CADM1: variants seen among roughly 807,000 people sequenced by gnomAD.
The protein encoded by CADM1 is cell adhesion molecule 1.
CADM1 carries 15 observed loss-of-function variants against 53.1 expected under a neutral mutation model. That is an observed-to-expected ratio of 0.28 (90% confidence interval 0.19 to 0.44). The LOEUF (loss-of-function observed/expected upper bound fraction) is 0.44. Ranked by LOEUF, CADM1 falls within the 20% of genes least tolerant of loss-of-function variation. The pLI, the probability that CADM1 is intolerant of heterozygous loss-of-function variation, is 1.00. For missense variants in CADM1, 434 were observed against 611.3 expected (o/e 0.71, Z 3.06); for synonymous variants, 281 against 243.0 (o/e 1.16, Z -1.45).
intron 1 of CADM1, chr11:115,445,942 C>A (rs961107067): frequency 4.2e-6 from 1 of 236,474 alleles, no homozygotes; most frequent in Non-Finnish European, 8.6e-6. Context: ...TAGATAAACT[C>A]CAGGGTGATT....
intron 1 of CADM1, among the ~76,000 whole-genome samples, chr11:115,474,968 T>TATTGTGGG (rs1949099377): frequency 6.6e-6 from 1 of 152,190 alleles, no homozygotes; most frequent in Non-Finnish European, 1.5e-5. Flanking sequence ...AATCCCTATA[T>TATTGTGGG]ATTGTGGTGG....
At chr11:115,358,747 C>T (rs952732865) in intron 1 of CADM1, among the ~76,000 whole-genome samples, 15 of 152,158 alleles carry the variant, frequency 9.9e-5, no homozygotes, top group East Asian at 1.9e-4. Flanking sequence ...GTCTACTGTA[C>T]GTAGACCTGT....
intron 5 of CADM1, among the ~76,000 whole-genome samples, chr11:115,226,689 G>T (rs1233995339): frequency 6.6e-6 from 1 of 152,204 alleles, no homozygotes; most frequent in Non-Finnish European, 1.5e-5. Context: ...GGGCACTGGA[G>T]TTGAGCCATC....
At chr11:115,494,768 T>C (rs1183946019) in intron 1 of CADM1, among the ~76,000 whole-genome samples, 1 of 152,142 alleles carries the variant, frequency 6.6e-6, no homozygotes, top group African/African-American at 2.4e-5. Flanking sequence ...GATTGATAAA[T>C]AGAGATAGGT....
chr11:115,305,239 T>G (rs1944333767), intron 1 of CADM1, among the ~76,000 whole-genome samples: 1 of 152,004 alleles, frequency 6.6e-6, no homozygotes, highest in Non-Finnish European at 1.5e-5. Context: ...TCACCTGCCA[T>G]GCAACACCCA....
chr11:115,179,991 A>G (rs546052045), intron 10 of CADM1, among the ~76,000 whole-genome samples: 1 of 152,302 alleles, frequency 6.6e-6, no homozygotes, highest in East Asian at 1.9e-4. Flanking sequence ...AATTTTTAAG[A>G]AAGATTTATC....
chr11:115,481,160 A>C (rs1208848370), intron 1 of CADM1, among the ~76,000 whole-genome samples: 1 of 152,108 alleles, frequency 6.6e-6, no homozygotes, highest in Admixed American at 6.5e-5. Flanking sequence ...GCCTCTTCAA[A>C]CATGTGTCTA....
intron 3 of CADM1, among the ~76,000 whole-genome samples, chr11:115,233,200 T>C (rs1256667066): frequency 6.6e-6 from 1 of 152,188 alleles, no homozygotes; most frequent in African/African-American, 2.4e-5. Flanking sequence ...TTGTTTCCCG[T>C]GTACAAGGAA....
At chr11:115,235,427 G>T (rs765092117) in intron 3 of CADM1, among the ~76,000 whole-genome samples, 3 of 152,164 alleles carry the variant, frequency 2.0e-5, no homozygotes, top group Non-Finnish European at 4.4e-5. Flanking sequence ...CACTAAACAG[G>T]CACATTTAGT....
rs1245490280 is a variant in CADM1 at position 115,170,692 on chromosome 11, T to C, written c.*5782A>G. The C allele has an allele frequency of 6.6e-6, 1 of 152,180 alleles. No individual in the cohort carries two copies. The highest frequency in any genetic ancestry group is 2.4e-5 in the African/African-American group (1 of 41,438). 9.4% of individuals were successfully genotyped at this position (152,180 alleles called of 1,614,324 possible). On this transcript the variant is annotated 3_prime_UTR_variant, in exon 12 of 12. Transcript: ENST00000331581. ...CACAGATAAGGCAAGGACTATAGTT[T>C]GCATTTTTAAAAGAGGCCATATTGC...
chr11:115,248,445 G>A (rs1226595777), intron 1 of CADM1, among the ~76,000 whole-genome samples: 1 of 152,180 alleles, frequency 6.6e-6, no homozygotes, highest in African/African-American at 2.4e-5. Context: ...AGGAAGAGGT[G>A]CAATTCTCTC....
chr11:115,169,458 T>C lies in CADM1; in HGVS notation c.*7016A>G, dbSNP rs1359114932. On this transcript the variant is annotated 3_prime_UTR_variant, in exon 12 of 12. Coordinates refer to ENST00000331581, the MANE Select transcript of CADM1 (RefSeq NM_001301043.2). ...TGTTATACAATTTCAGCAGCAGCAATGGGCTTTGGCAGGGAAGTAGGAGCA... is the reference window on the plus strand; with the variant it reads ...TGTTATACAATTTCAGCAGCAGCAACGGGCTTTGGCAGGGAAGTAGGAGCA... 2 of 384,340 alleles carry C rather than the reference T, an allele frequency of 5.2e-6. No individual in the cohort carries two copies. Among genetic ancestry groups the C allele is most frequent in the African/African-American group, 4.2e-5 (2 of 47,564 alleles). 23.8% of individuals were successfully genotyped at this position (384,340 alleles called of 1,614,324 possible).
chr11:115,190,290 A>C (rs549253686), intron 10 of CADM1, among the ~76,000 whole-genome samples: 1 of 152,162 alleles, frequency 6.6e-6, no homozygotes, highest in Non-Finnish European at 1.5e-5. Context: ...TAACACCTAA[A>C]TCCTGGAATC....
chr11:115,198,541 A>C, intron 8 of CADM1, 103 bp from the exon 9 acceptor site: 1 of 825,736 alleles, frequency 1.2e-6, no homozygotes, highest in Non-Finnish European at 2.0e-6. Context: ...TATATGAGCA[A>C]GCTTTCAAAG....
intron 6 of CADM1, among the ~76,000 whole-genome samples, chr11:115,216,578 A>G (rs1941195780): frequency 6.6e-6 from 1 of 152,210 alleles, no homozygotes; most frequent in African/African-American, 2.4e-5. Flanking sequence ...CAGTGCTCAA[A>G]CGAGAAAAAG....
intron 1 of CADM1, among the ~76,000 whole-genome samples, chr11:115,315,751 C>T (rs940153937): frequency 6.6e-5 from 10 of 151,746 alleles, no homozygotes; most frequent in Admixed American, 3.9e-4. Context: ...AATACTATAG[C>T]GTGTCACAAC....
At chr11:115,307,624 A>G (rs1321308950) in intron 1 of CADM1, among the ~76,000 whole-genome samples, 1 of 151,756 alleles carries the variant, frequency 6.6e-6, no homozygotes, top group African/African-American at 2.4e-5. Context: ...CTAGATCCTA[A>G]GTATTCAGGT....
intron 10 of CADM1, 129 bp downstream of exon 10, chr11:115,190,759 C>T: frequency 1.5e-6 from 1 of 680,324 alleles, no homozygotes. Context: ...AGTATTGATA[C>T]AAATTTGTTT....
chr11:115,268,248 G>C (rs1369754992), intron 1 of CADM1, among the ~76,000 whole-genome samples: 1 of 152,180 alleles, frequency 6.6e-6, no homozygotes, highest in African/African-American at 2.4e-5. Flanking sequence ...TGTGTCCTTA[G>C]AAGAACATTC....
Sources: allele counts gnomAD v4.1 joint callset (sites outside exome capture counted in the v4.1 genomes callset), GRCh38; gene constraint gnomAD v4.1.1; transcripts MANE v1.5; gene names NCBI Gene and HGNC (gene_info 2026-07-23, HGNC 2026-07-21).